PLXNA4: variants seen among roughly 807,000 people sequenced by gnomAD.
The protein encoded by PLXNA4 is plexin A4, also known as plexin-A4.
Under a neutral mutation model 191.8 loss-of-function variants are expected in PLXNA4, and 44 were observed. The observed-to-expected ratio is 0.23, with a 90% CI of 0.18 to 0.29. PLXNA4 has a LOEUF of 0.29. Ranked by LOEUF, PLXNA4 falls within the 10% of genes least tolerant of loss-of-function variation. The probability of loss-of-function intolerance (pLI) is 1.00; values close to 1 mark genes in which losing one functional copy is unlikely to be tolerated. For missense variants in PLXNA4, 1,800 were observed against 2,488.8 expected, an observed-to-expected ratio of 0.72 and a Z score of 5.89; for synonymous variants, 1,082 against 1,009.5, an observed-to-expected ratio of 1.07 and a Z score of -1.36.
At chr7:132,343,656 C>A (rs1334569590) in intron 3 of PLXNA4, among the ~76,000 whole-genome samples, 1 of 152,190 alleles carries the variant, frequency 6.6e-6, no homozygotes, top group Non-Finnish European at 1.5e-5. Context: ...CAGTGCCTCA[C>A]GCCTGTAAAT....
intron 3 of PLXNA4, among the ~76,000 whole-genome samples, chr7:132,369,842 G>T (rs901160012): frequency 1.7e-4 from 26 of 151,880 alleles, no homozygotes; most frequent in African/African-American, 6.3e-4. Flanking sequence ...GCTGAGGCGG[G>T]CGGATCACAA....
Position 132,377,361 on chromosome 7 carries a change from T to C in PLXNA4, c.1372-79139A>G, listed in dbSNP as rs1033737911. Reference sequence around the variant, plus strand: ...CCCCTAGAATGGCCTGTACAGAATGTGTTTCCCTGATAAGCCCAGAGCTTT... The same window carrying C: ...CCCCTAGAATGGCCTGTACAGAATGCGTTTCCCTGATAAGCCCAGAGCTTT... On this transcript the variant is annotated intron_variant, in intron 3 of 31. Coordinates refer to ENST00000321063, the MANE Select transcript of PLXNA4 (RefSeq NM_020911.2). Among the ~76,000 whole-genome samples the C allele has an allele frequency of 2.0e-5, 3 of 151,426 alleles. No homozygotes were observed. In the East Asian group the frequency reaches 5.8e-4, roughly 29 times the overall value.
At chr7:132,355,685 A>T (rs995362361) in intron 3 of PLXNA4, among the ~76,000 whole-genome samples, 2 of 152,132 alleles carry the variant, frequency 1.3e-5, no homozygotes, top group African/African-American at 4.8e-5. Flanking sequence ...GCAATTACAA[A>T]TAGGCATATA....
intron 3 of PLXNA4, among the ~76,000 whole-genome samples, chr7:132,427,498 C>T (rs151154221): frequency 1.3e-5 from 2 of 152,298 alleles, no homozygotes; most frequent in South Asian, 2.1e-4. Flanking sequence ...CAGTCATAAA[C>T]TCATGGGTGA....
At chr7:132,278,875 G>A (rs1457114936) in intron 4 of PLXNA4, among the ~76,000 whole-genome samples, 3 of 152,164 alleles carry the variant, frequency 2.0e-5, no homozygotes, top group African/African-American at 7.2e-5. Context: ...GGCAGTTCAG[G>A]GGATGTGTTT....
chr7:132,507,135 T>C (rs1268586321), intron 2 of PLXNA4, among the ~76,000 whole-genome samples: 1 of 152,160 alleles, frequency 6.6e-6, no homozygotes, highest in African/African-American at 2.4e-5. Flanking sequence ...ACAAAGGGCA[T>C]GTACGTGTCT....
At chr7:132,567,920 A>C (rs890419638) in intron 1 of PLXNA4, among the ~76,000 whole-genome samples, 1 of 152,232 alleles carries the variant, frequency 6.6e-6, no homozygotes, top group African/African-American at 2.4e-5. Flanking sequence ...TCTCTAGGTC[A>C]GTGATTTGCT....
At chr7:132,242,973 A>C (rs1798931593) in intron 4 of PLXNA4, among the ~76,000 whole-genome samples, 1 of 152,216 alleles carries the variant, frequency 6.6e-6, no homozygotes, top group Non-Finnish European at 1.5e-5. Flanking sequence ...CCTAACCCAA[A>C]GTACCTGGAC....
chr7:132,542,023 A>G (rs1021263528), intron 1 of PLXNA4, among the ~76,000 whole-genome samples: 14 of 152,182 alleles, frequency 9.2e-5, no homozygotes, highest in African/African-American at 3.4e-4. Flanking sequence ...TTAGAAGAAG[A>G]GGTGCTTTAA....
At chr7:132,355,432 CA>C (rs1446539892) in intron 3 of PLXNA4, among the ~76,000 whole-genome samples, 1 of 152,218 alleles carries the variant, frequency 6.6e-6, no homozygotes, top group East Asian at 1.9e-4. Flanking sequence ...CAGCTGACGT[CA>C]GATTTCATTA....
intron 1 of PLXNA4, among the ~76,000 whole-genome samples, chr7:132,524,560 C>G (rs1450994037): frequency 6.6e-6 from 1 of 152,184 alleles, no homozygotes; most frequent in Non-Finnish European, 1.5e-5. Context: ...CAAAATAACT[C>G]ACACTAAGAG....
At chr7:132,507,393 A>G (rs1798509089) in intron 2 of PLXNA4, 113 bp downstream of exon 2, 2 of 1,105,544 alleles carry the variant, frequency 1.8e-6, no homozygotes, top group Non-Finnish European at 2.5e-6. Context: ...GATGGGATAT[A>G]CTCACTTCAT....
At chr7:132,141,551 G>C (rs1261136616) in intron 29 of PLXNA4, among the ~76,000 whole-genome samples, 1 of 152,172 alleles carries the variant, frequency 6.6e-6, no homozygotes, top group Non-Finnish European at 1.5e-5. Flanking sequence ...TGGAAAGGCA[G>C]ACATGAAATC....
At chr7:132,583,494 G>T (rs1040072461) in intron 2 of PLXNA4, among the ~76,000 whole-genome samples, 4 of 152,216 alleles carry the variant, frequency 2.6e-5, no homozygotes, top group African/African-American at 9.6e-5. Flanking sequence ...AGTGGAGCCT[G>T]CAAGCTATCA....
At chr7:132,423,139 A>T (rs1461684688) in intron 3 of PLXNA4, among the ~76,000 whole-genome samples, 1 of 152,250 alleles carries the variant, frequency 6.6e-6, no homozygotes, top group Non-Finnish European at 1.5e-5. Flanking sequence ...CCGTGGAATT[A>T]GCCAGGAGGG....
At chr7:132,519,987 A>G (rs156979) in intron 1 of PLXNA4, among the ~76,000 whole-genome samples, 144,868 of 152,294 alleles carry the variant, frequency 0.95, 69,017 homozygotes, top group Non-Finnish European at 0.97. Context: ...GCTTCACAGA[A>G]CACAGGCTAT....
At chr7:132,283,773 CTT>C (rs1800577371) in intron 4 of PLXNA4, among the ~76,000 whole-genome samples, 1 of 152,238 alleles carries the variant, frequency 6.6e-6, no homozygotes, top group African/African-American at 2.4e-5. Context: ...GGCCAAATGA[CTT>C]TGAGAGATAC....
chr7:132,280,875 C>T (rs545443286), intron 4 of PLXNA4, among the ~76,000 whole-genome samples: 1 of 152,234 alleles, frequency 6.6e-6, no homozygotes, highest in Non-Finnish European at 1.5e-5. Flanking sequence ...TGACTGCACA[C>T]TTCATAGTAA....
chr7:132,177,155 ATGTG>A (rs1381749124), intron 20 of PLXNA4, among the ~76,000 whole-genome samples: 1 of 142,292 alleles, frequency 7.0e-6, no homozygotes, highest in East Asian at 2.0e-4. Context: ...GTGGGCATGT[ATGTG>A]TGAGTGCACG....
Sources: gnomAD v4.1 joint callset for allele counts (sites outside exome capture counted in the v4.1 genomes callset) on GRCh38, gnomAD v4.1.1 for gene constraint, MANE v1.5 for transcripts, NCBI Gene and HGNC (gene_info 2026-07-23, HGNC 2026-07-21) for gene names.